HERC1: variants seen among roughly 807,000 people sequenced by gnomAD.
The protein encoded by HERC1 is probable E3 ubiquitin-protein ligase HERC1.
In HERC1, 160 loss-of-function variants were observed where a neutral mutation model predicts 554.3. That is an observed-to-expected ratio of 0.29 (90% CI 0.25 to 0.33). The LOEUF (loss-of-function observed/expected upper bound fraction) is 0.33. HERC1 is among the 10% of genes least tolerant of loss of function. HERC1 has a pLI of 1.00. For missense variants in HERC1, 4,919 were observed against 5,918.5 expected, an observed-to-expected ratio of 0.83 and a Z score of 5.54; for synonymous variants, 2,175 against 2,131.7, an observed-to-expected ratio of 1.02 and a Z score of -0.56.
chr15:63,685,154 C>T (rs2071683061), intron 34 of HERC1, among the ~76,000 whole-genome samples: 1 of 152,198 alleles, frequency 6.6e-6, no homozygotes, highest in Admixed American at 6.5e-5. Context: ...CTGCAGTTTC[C>T]ACAAAACACC....
At chr15:63,662,938 G>A (rs1378881057) in intron 44 of HERC1, 46 bp downstream of exon 44, 2 of 1,441,424 alleles carry the variant, frequency 1.4e-6, no homozygotes, top group Non-Finnish European at 9.7e-7. Flanking sequence ...ATGAACAGGA[G>A]GGCAGGAAAA....
At chr15:63,700,792 T>C (rs1310213429) in intron 25 of HERC1, among the ~76,000 whole-genome samples, 2 of 151,102 alleles carry the variant, frequency 1.3e-5, no homozygotes, top group Admixed American at 6.6e-5. Flanking sequence ...TTCCCCAAAT[T>C]GTAGACCTGA....
Position 63,720,103 on chromosome 15 carries a change from C to CTTTTTTTTTTTTTTTTTTT in HERC1, c.3743-1207_3743-1206insAAAAAAAAAAAAAAAAAAA, listed in dbSNP as rs573648232. Among the ~76,000 whole-genome samples, 505 of 71,556 alleles carry CTTTTTTTTTTTTTTTTTTT rather than the reference C, an allele frequency of 7.1e-3. 141 individuals are homozygous for CTTTTTTTTTTTTTTTTTTT. Among genetic ancestry groups the CTTTTTTTTTTTTTTTTTTT allele is most frequent in the African/African-American group, 0.027 (453 of 16,578 alleles). The allele number at this position is 71,556 out of a possible 152,430, so 46.9% of individuals were successfully genotyped here. On this transcript the variant is annotated intron_variant, in intron 19 of 77. Transcript: ENST00000443617. ...GGACTAGTCAGGTGCTTTTTCTTCC[C>CTTTTTTTTTTTTTTTTTTT]TTTTTTTTTTTTTTTAAGAGACAGG...
At chr15:63,675,703 T>C (rs1037706937) in intron 37 of HERC1, among the ~76,000 whole-genome samples, 5 of 152,214 alleles carry the variant, frequency 3.3e-5, no homozygotes, top group Non-Finnish European at 7.3e-5. Context: ...AATATAATTA[T>C]ATATTTCCTG....
chr15:63,664,320 T>G, intron 43 of HERC1, 150 bp downstream of exon 43: 1 of 642,494 alleles, frequency 1.6e-6, no homozygotes, highest in East Asian at 2.8e-5. Context: ...ATTATGTAAA[T>G]GCATAGAAAA....
chr15:63,641,008 A>C (rs2069028257), intron 60 of HERC1, among the ~76,000 whole-genome samples: 1 of 152,200 alleles, frequency 6.6e-6, no homozygotes, highest in Admixed American at 6.5e-5. Flanking sequence ...TCCAGTATTT[A>C]ATGACCCTAC....
In HERC1 at chr15:63,691,338, C is replaced by T. The variant is rs187581238; in HGVS notation, c.5831-691G>A. Among the ~76,000 whole-genome samples, 69 of 151,674 alleles carry T rather than the reference C, an allele frequency of 4.5e-4. 1 individual carries two copies. Among genetic ancestry groups the T allele is most frequent in the Admixed American group, 3.1e-3 (47 of 15,240 alleles). On this transcript the variant is annotated intron_variant, in intron 31 of 77. Transcript: ENST00000443617. ...AAAATTAGCTGGGAGTGGTGGTGCA[C>T]GCCTGTGATCCCAGCTACTTGGGAG...
intron 74 of HERC1, among the ~76,000 whole-genome samples, chr15:63,618,772 A>G (rs373874680): frequency 6.6e-6 from 1 of 152,184 alleles, no homozygotes; most frequent in Non-Finnish European, 1.5e-5. Context: ...CTGTGAATGG[A>G]AGTTCACTCA....
chr15:63,625,607 T>C (rs372201050), intron 71 of HERC1, among the ~76,000 whole-genome samples: 1 of 151,504 alleles, frequency 6.6e-6, no homozygotes, highest in Admixed American at 6.6e-5. Flanking sequence ...GGCAGGAGAA[T>C]TGCTTGAACC....
chr15:63,763,265 A>G (rs189703422), intron 3 of HERC1, among the ~76,000 whole-genome samples: 8 of 152,384 alleles, frequency 5.2e-5, no homozygotes, highest in Admixed American at 2.0e-4. Context: ...AACAAAGCAC[A>G]AAAGAATTAA....
intron 76 of HERC1, 72 bp downstream of exon 76, chr15:63,615,696 C>T (rs2067785824): frequency 7.2e-6 from 9 of 1,258,382 alleles, no homozygotes; most frequent in Non-Finnish European, 9.8e-6. Flanking sequence ...CAGATTTTGG[C>T]ATACCCAGTC....
intron 12 of HERC1, among the ~76,000 whole-genome samples, chr15:63,738,561 T>G (rs2074648065): frequency 6.6e-6 from 1 of 152,130 alleles, no homozygotes; most frequent in South Asian, 2.1e-4. Flanking sequence ...ATAAAAAAAT[T>G]TTTTAAAGAA....
intron 1 of HERC1, among the ~76,000 whole-genome samples, chr15:63,823,324 G>A (rs1378247488): frequency 6.6e-6 from 1 of 152,192 alleles, no homozygotes; most frequent in Non-Finnish European, 1.5e-5. Context: ...CTGGCATATA[G>A]ATAGTATTTA....
intron 46 of HERC1, among the ~76,000 whole-genome samples, 157 bp downstream of exon 46, chr15:63,660,816 C>T (rs999723311): frequency 6.6e-6 from 1 of 152,092 alleles, no homozygotes; most frequent in Non-Finnish European, 1.5e-5. Flanking sequence ...AGCGTTGTTG[C>T]TATTAAATTC....
chr15:63,819,874 C>A (rs1458945421), intron 1 of HERC1, among the ~76,000 whole-genome samples: 1 of 152,172 alleles, frequency 6.6e-6, no homozygotes, highest in Admixed American at 6.5e-5. Context: ...TGATCTTAGG[C>A]AAGTTACTTA....
At chr15:63,654,973 C>A (rs2069940741) in intron 50 of HERC1, among the ~76,000 whole-genome samples, 1 of 152,104 alleles carries the variant, frequency 6.6e-6, no homozygotes, top group Non-Finnish European at 1.5e-5. Context: ...ATGGAGATGG[C>A]ATGCCTTTAA....
chr15:63,717,323 A>T (rs1168718663), intron 21 of HERC1, among the ~76,000 whole-genome samples: 1 of 152,176 alleles, frequency 6.6e-6, no homozygotes, highest in African/African-American at 2.4e-5. Flanking sequence ...ACAAATACTA[A>T]GTCAGTATAT....
intron 2 of HERC1, among the ~76,000 whole-genome samples, chr15:63,773,570 C>T (rs1210058394): frequency 6.7e-6 from 1 of 149,954 alleles, no homozygotes; most frequent in Non-Finnish European, 1.5e-5. Flanking sequence ...ATTTTTGAGA[C>T]AGATTCTCGC....
chr15:63,657,462 T>C (rs930121149), intron 48 of HERC1, among the ~76,000 whole-genome samples: 1 of 152,138 alleles, frequency 6.6e-6, no homozygotes, highest in African/African-American at 2.4e-5. Flanking sequence ...CACTTCTTAA[T>C]GTGTTTTGTC....
Sources: allele counts gnomAD v4.1 joint callset (sites outside exome capture counted in the v4.1 genomes callset), GRCh38; gene constraint gnomAD v4.1.1; transcripts MANE v1.5; gene names NCBI Gene and HGNC (gene_info 2026-07-23, HGNC 2026-07-21).